The following KIAA1549 variants were observed in gnomAD, a reference collection of about 807,000 sequenced individuals.
KIAA1549 encodes the protein UPF0606 protein KIAA1549.
In KIAA1549, 70 loss-of-function variants were observed where a neutral mutation model predicts 156.4. That is an observed-to-expected ratio of 0.45 (90% CI 0.37 to 0.55). The LOEUF (loss-of-function observed/expected upper bound fraction) is 0.55, where lower values mean the gene tolerates loss of function less well. Among genes scored for constraint, KIAA1549 ranks in the 20% least tolerant of loss-of-function variants. KIAA1549 has a pLI of 0.00. For missense variants in KIAA1549, 2,428 were observed against 2,540.9 expected, an observed-to-expected ratio of 0.96 and a Z score of 0.96; for synonymous variants, 1,103 against 1,066.4, an observed-to-expected ratio of 1.03 and a Z score of -0.67.
intron 17 of KIAA1549, among the ~76,000 whole-genome samples, chr7:138,849,221 ATG>A (rs1228911073): frequency 6.6e-6 from 1 of 151,758 alleles, no homozygotes; most frequent in Admixed American, 6.6e-5. Flanking sequence ...TCCTCTCTTA[ATG>A]TGGTATTTAT....
At chr7:138,924,182 C>CTTTTTTTTTTTTT (rs1233229501) in intron 1 of KIAA1549, among the ~76,000 whole-genome samples, 4 of 92,308 alleles carry the variant, frequency 4.3e-5, no homozygotes, top group Non-Finnish European at 6.4e-5. Context: ...CTTTTCTTTT[C>CTTTTTTTTTTTTT]TTTTTTTTTT....
chr7:138,842,687 C>T (rs1003405530), intron 18 of KIAA1549, among the ~76,000 whole-genome samples: 1 of 101,700 alleles, frequency 9.8e-6, no homozygotes, highest in Non-Finnish European at 2.0e-5. Flanking sequence ...AACAAAAACT[C>T]TGTCTCAAAA....
At position 138,916,870 on chromosome 7, in the gene KIAA1549, G is replaced by A. The variant is rs901068012; in HGVS notation, c.2756C>T (p.Pro919Leu). The change falls in exon 2 of 20, where the codon CCA becomes CTA. Residue 919 changes from proline (P) to leucine (L), a missense_variant. Pro to Leu is a moderately conservative substitution (Grantham distance 98). Coordinates refer to ENST00000422774, the MANE Select transcript of KIAA1549 (RefSeq NM_001164665.2). Reference protein sequence around the residue: ...PPESSAAPPLPSLRPVTAFTL... With the variant: ...PPESSAAPPLLSLRPVTAFTL... ...GAAGGCAGTCACGGGACGCAGGGAT[G>A]GCAGGGGAGGAGCAGCACTACTCTC... is the stretch of plus-strand genomic sequence containing the variant. 6.2e-7 allele frequency: 1 copy of A among 1,613,956 alleles called. No individual in the cohort carries two copies. The highest frequency in any genetic ancestry group is 1.6e-4 in the Middle Eastern group (1 of 6,062).
chr7:138,841,494 T>C (rs1208776959), intron 18 of KIAA1549, among the ~76,000 whole-genome samples: 1 of 152,132 alleles, frequency 6.6e-6, no homozygotes, highest in Non-Finnish European at 1.5e-5. Flanking sequence ...TTTTTCTCCC[T>C]CACCAACTTC....
rs145136542 is a variant in KIAA1549, at chr7:138,932,015, G to A, written c.188-12577C>T. ...GTGTATGTGTGCAGGAGACATGAAG[G>A]CAGACAAGAGTGTCCCAACCCACTG... On this transcript the variant is annotated intron_variant, in intron 1 of 19. Coordinates refer to ENST00000422774, the MANE Select transcript of KIAA1549 (RefSeq NM_001164665.2). Among the ~76,000 whole-genome samples, 522 of 152,190 alleles carry A rather than the reference G, an allele frequency of 3.4e-3. 3 individuals carry two copies. The highest frequency in any genetic ancestry group is 0.012 in the African/African-American group (489 of 41,512).
intron 10 of KIAA1549, among the ~76,000 whole-genome samples, chr7:138,884,804 G>C (rs936979125): frequency 6.6e-6 from 1 of 152,238 alleles, no homozygotes; most frequent in Non-Finnish European, 1.5e-5. Flanking sequence ...ACACACCTAT[G>C]ACTTGTAAGC....
chr7:138,869,764 GAGGA>G lies in KIAA1549; in HGVS notation c.4552-7_4552-4del. 1 of 1,604,990 alleles carries G rather than the reference GAGGA, an allele frequency of 6.2e-7. No individual in the cohort carries two copies. Among genetic ancestry groups the G allele is most frequent in the Non-Finnish European group, 8.5e-7 (1 of 1,177,072 alleles). On this transcript the variant is annotated splice_region_variant and splice_polypyrimidine_tract_variant and intron_variant, in intron 13 of 19. Transcript: ENST00000422774. ...TTGTGCCGCAGCGCGGTCTGAATCTGAGGAAGGGTGAGGGAGAGAAAGACAGCCA... is the reference window on the plus strand; with the variant it reads ...TTGTGCCGCAGCGCGGTCTGAATCTGAGGGTGAGGGAGAGAAAGACAGCCA...
intron 15 of KIAA1549, among the ~76,000 whole-genome samples, chr7:138,864,528 C>A (rs1437720728): frequency 6.6e-6 from 1 of 152,222 alleles, no homozygotes; most frequent in East Asian, 1.9e-4. Context: ...TTCCTATATT[C>A]TACCATCTAT....
At chr7:138,847,710 G>A (rs1430740880) in intron 17 of KIAA1549, among the ~76,000 whole-genome samples, 4 of 152,132 alleles carry the variant, frequency 2.6e-5, no homozygotes, top group Non-Finnish European at 5.9e-5. Flanking sequence ...AAAGTGTCTG[G>A]GCTATTCTTG....
chr7:138,964,128 A>G (rs991844738), intron 1 of KIAA1549, among the ~76,000 whole-genome samples: 2 of 152,250 alleles, frequency 1.3e-5, no homozygotes, highest in Non-Finnish European at 2.9e-5. Flanking sequence ...TTTGGTGAGC[A>G]TCTTCTATGG....
At chr7:138,874,160 G>C (rs6948271) in intron 12 of KIAA1549, among the ~76,000 whole-genome samples, 16,878 of 150,108 alleles carry the variant, frequency 0.11, 1,171 homozygotes, top group East Asian at 0.22. Flanking sequence ...AAGCTCCCTG[G>C]GTAATAATGA....
chr7:138,977,519 T>C (rs1047940116), intron 1 of KIAA1549, among the ~76,000 whole-genome samples: 3 of 152,162 alleles, frequency 2.0e-5, no homozygotes, highest in African/African-American at 7.2e-5. Context: ...TTTCAAAAAT[T>C]GCTTCATTCA....
intron 1 of KIAA1549, among the ~76,000 whole-genome samples, chr7:138,942,458 C>A (rs1237527678): frequency 1.3e-5 from 2 of 151,364 alleles, no homozygotes; most frequent in Non-Finnish European, 2.9e-5. Context: ...CAGCTCTGCA[C>A]CATGACCGCA....
intron 1 of KIAA1549, among the ~76,000 whole-genome samples, chr7:138,959,441 T>C (rs778890017): frequency 2.6e-5 from 4 of 152,182 alleles, no homozygotes; most frequent in South Asian, 2.1e-4. Flanking sequence ...TGGGGGCTTA[T>C]GGCAGAGAGG....
chr7:138,844,346 G>A lies in KIAA1549; in HGVS notation c.5423C>T (p.Ala1808Val). 1 of 1,613,868 alleles carries A rather than the reference G, an allele frequency of 6.2e-7. No individual in the cohort carries two copies. The highest frequency in any genetic ancestry group is 1.1e-5 in the South Asian group (1 of 91,072). The change falls in exon 18 of 20, where the codon GCC becomes GTC. Residue 1808 changes from alanine to valine, a missense_variant. Physicochemically the swap from Ala to Val is moderately conservative, Grantham distance 64. Coordinates refer to ENST00000422774, the MANE Select transcript of KIAA1549 (RefSeq NM_001164665.2). Reference sequence around the variant, plus strand: ...GGTACCCCCGACAGGCCGAGGCCGGGCCACCGACGGCATCTCCTCCGAGTA... The same window carrying A: ...GGTACCCCCGACAGGCCGAGGCCGGACCACCGACGGCATCTCCTCCGAGTA... Reference protein sequence around the residue: ...GIYSEEMPSVARPRPVGGTTG... With the variant: ...GIYSEEMPSVVRPRPVGGTTG...
chr7:138,940,782 T>A (rs1307340119), intron 1 of KIAA1549, among the ~76,000 whole-genome samples: 1 of 152,248 alleles, frequency 6.6e-6, no homozygotes, highest in African/African-American at 2.4e-5. Flanking sequence ...TGAGCATTTT[T>A]TCATGTGTCT....
intron 1 of KIAA1549, among the ~76,000 whole-genome samples, chr7:138,927,275 A>AC (rs1212304128): frequency 3.2e-4 from 48 of 152,122 alleles, no homozygotes; most frequent in African/African-American, 8.5e-4. Context: ...GAACTTTCCT[A>AC]CCTGTTTTCT....
In KIAA1549 at chr7:138,838,086, G is replaced by C. The variant is rs562752539; in HGVS notation, c.5673C>G (p.Pro1891=). ...FQVPRTSGRE[P]SAPSGNLPHR... ...GGGGGAGGTTCCCGGAAGGAGCTGA[G>C]GGCTCCCTGCCTGAAGTCCTTGGCA... Residue 1891 remains proline, a synonymous_variant, in exon 20 of 20, where the codon CCC becomes CCG. Transcript: ENST00000422774. The C allele has an allele frequency of 6.3e-7, 1 of 1,579,816 alleles. No individual in the cohort carries two copies. The highest frequency in any genetic ancestry group is 8.6e-7 in the Non-Finnish European group (1 of 1,164,410).
At chr7:138,931,579 C>T (rs1812872877) in intron 1 of KIAA1549, among the ~76,000 whole-genome samples, 1 of 150,976 alleles carries the variant, frequency 6.6e-6, no homozygotes, top group South Asian at 2.1e-4. Context: ...TGGTGAAAAC[C>T]CATCTCTATT....
Sources: allele counts gnomAD v4.1 joint callset (sites outside exome capture counted in the v4.1 genomes callset), GRCh38; gene constraint gnomAD v4.1.1; transcripts MANE v1.5; gene names NCBI Gene and HGNC (gene_info 2026-07-23, HGNC 2026-07-21).